The following SYT14 variants were observed in gnomAD, a reference collection of about 807,000 sequenced individuals.
The protein encoded by SYT14 is synaptotagmin-14.
In SYT14, 32 loss-of-function variants were observed where a neutral mutation model predicts 74.2. That is an observed-to-expected ratio of 0.43 (90% CI 0.33 to 0.58). The LOEUF (loss-of-function observed/expected upper bound fraction) is 0.58, where lower values mean the gene tolerates loss of function less well. Ranked by LOEUF, SYT14 falls within the 20% of genes least tolerant of loss-of-function variation. The pLI is 0.05. For synonymous variants in SYT14, 298 were observed against 337.7 expected (o/e 0.88, Z 1.29); for missense variants, 791 against 981.8 (o/e 0.81, Z 2.60).
intron 1 of SYT14, 44 bp downstream of exon 1, chr1:209,938,321 A>C: frequency 6.5e-7 from 1 of 1,534,466 alleles, no homozygotes; most frequent in Admixed American, 1.8e-5. Context: ...GGGACCACCC[A>C]GCTGGCGGGG....
chr1:210,095,564 T>C (rs2081954148), intron 6 of SYT14, among the ~76,000 whole-genome samples: 1 of 152,142 alleles, frequency 6.6e-6, no homozygotes, highest in Admixed American at 6.6e-5. Flanking sequence ...TACTTAAAAG[T>C]TTTAGATTGC....
At chr1:210,013,735 T>G in exon 3 of SYT14, 1 of 1,613,080 alleles carries the variant, frequency 6.2e-7, no homozygotes, top group Non-Finnish European at 8.5e-7. Flanking sequence ...TTTGAAAATG[T>G]TGGCGGGTTT....
At chr1:210,144,109 G>A (rs1226555638) in intron 7 of SYT14, among the ~76,000 whole-genome samples, 3 of 152,218 alleles carry the variant, frequency 2.0e-5, no homozygotes, top group African/African-American at 2.4e-5. Flanking sequence ...CTGCTAATAC[G>A]TTTTCATCTT....
At chr1:209,948,118 G>A (rs2078851308) in intron 1 of SYT14, among the ~76,000 whole-genome samples, 3 of 152,096 alleles carry the variant, frequency 2.0e-5, no homozygotes, top group African/African-American at 7.2e-5. Context: ...GTTTTATTGC[G>A]ATATACACTT....
chr1:210,043,468 AT>A (rs1388437208), intron 5 of SYT14, among the ~76,000 whole-genome samples: 1 of 152,206 alleles, frequency 6.6e-6, no homozygotes, highest in Non-Finnish European at 1.5e-5. Flanking sequence ...GTAAAAAAAA[AT>A]AAGTGCAAGT....
intron 5 of SYT14, among the ~76,000 whole-genome samples, chr1:210,092,492 G>A (rs893002375): frequency 6.6e-6 from 1 of 152,166 alleles, no homozygotes; most frequent in Non-Finnish European, 1.5e-5. Flanking sequence ...GAGAAAAAGA[G>A]GTTATGGATG....
At chr1:210,028,245 CT>C (rs1448769946) in intron 5 of SYT14, among the ~76,000 whole-genome samples, 6 of 148,400 alleles carry the variant, frequency 4.0e-5, no homozygotes, top group South Asian at 2.1e-4. Flanking sequence ...AATTTTATTC[CT>C]TTTTTTTCTT....
At chr1:210,169,054 G>C (rs973788517) in exon 10 of SYT14, 15 of 151,988 alleles carry the variant, frequency 9.9e-5, no homozygotes, top group Non-Finnish European at 7.4e-5. Context: ...CCTCTAGCTT[G>C]CACATTCTTT....
intron 5 of SYT14, among the ~76,000 whole-genome samples, chr1:210,092,994 C>T (rs2081903900): frequency 6.6e-6 from 1 of 152,066 alleles, no homozygotes; most frequent in African/African-American, 2.4e-5. Flanking sequence ...GGTACTTGAG[C>T]ATTTTTGCAT....
chr1:209,948,600 T>C (rs2078859438), intron 1 of SYT14, among the ~76,000 whole-genome samples: 1 of 152,220 alleles, frequency 6.6e-6, no homozygotes, highest in Non-Finnish European at 1.5e-5. Flanking sequence ...TAAATTACCT[T>C]AAAGGATTGG....
chr1:210,139,851 G>GCC (rs2082879013), intron 7 of SYT14, among the ~76,000 whole-genome samples: 1 of 152,086 alleles, frequency 6.6e-6, no homozygotes, highest in Non-Finnish European at 1.5e-5. Context: ...TCTTTGTATG[G>GCC]ATATACCACA....
chr1:209,973,510 C>T (rs993946507), intron 2 of SYT14, among the ~76,000 whole-genome samples: 1 of 152,116 alleles, frequency 6.6e-6, no homozygotes, highest in Non-Finnish European at 1.5e-5. Flanking sequence ...TGGTTTCCAG[C>T]TTCAACCATG....
At chr1:209,966,993 A>T (rs190519625) in intron 2 of SYT14, among the ~76,000 whole-genome samples, 130 of 151,200 alleles carry the variant, frequency 8.6e-4, no homozygotes, top group African/African-American at 2.9e-3. Context: ...TGGGTGAGGA[A>T]CTCCCTTTTT....
intron 2 of SYT14, among the ~76,000 whole-genome samples, chr1:210,011,306 A>G (rs1314945907): frequency 2.6e-5 from 4 of 152,206 alleles, no homozygotes; most frequent in Non-Finnish European, 5.9e-5. Context: ...CAGGCTTGAT[A>G]CATACCACTG....
At chr1:210,060,253 G>C (rs1294566826) in intron 5 of SYT14, among the ~76,000 whole-genome samples, 3 of 152,032 alleles carry the variant, frequency 2.0e-5, no homozygotes, top group South Asian at 4.1e-4. Flanking sequence ...CAAATGTTAA[G>C]GTTAGGCAAT....
intron 2 of SYT14, among the ~76,000 whole-genome samples, chr1:209,956,325 T>C (rs1294806898): frequency 1.3e-5 from 2 of 152,172 alleles, no homozygotes; most frequent in Non-Finnish European, 2.9e-5. Context: ...TTCTCTCTTT[T>C]GTGAAGTTTA....
At chr1:210,093,378 G>A (rs746080012) in intron 5 of SYT14, among the ~76,000 whole-genome samples, 4 of 152,018 alleles carry the variant, frequency 2.6e-5, no homozygotes, top group Admixed American at 6.6e-5. Flanking sequence ...AAAAAGATCA[G>A]TGTTTAAATT....
intron 2 of SYT14, among the ~76,000 whole-genome samples, chr1:209,972,708 C>T (rs1227093691): frequency 2.0e-5 from 3 of 152,146 alleles, no homozygotes; most frequent in Admixed American, 1.3e-4. Flanking sequence ...GTGATCTGAA[C>T]GTATGGTTGG....
intron 8 of SYT14, 74 bp from the exon 8 acceptor site, chr1:210,159,347 C>T (rs1013244111): frequency 1.4e-6 from 2 of 1,397,010 alleles, no homozygotes; most frequent in African/African-American, 2.9e-5. Context: ...TAATTCTAAC[C>T]TTTGACCCTC....
Sources: allele counts gnomAD v4.1 joint callset (sites outside exome capture counted in the v4.1 genomes callset), GRCh38; gene constraint gnomAD v4.1.1; transcripts MANE v1.5; gene names NCBI Gene and HGNC (gene_info 2026-07-23, HGNC 2026-07-21).